The following CHRNB3 variants were observed in gnomAD, a reference collection of about 807,000 sequenced individuals.
CHRNB3 encodes the protein neuronal acetylcholine receptor subunit beta-3.
CHRNB3 carries 37 observed loss-of-function variants against 40.6 expected under a neutral mutation model. That is an observed-to-expected ratio of 0.91 (90% CI 0.70 to 1.20). The LOEUF (loss-of-function observed/expected upper bound fraction) is 1.20, where lower values mean the gene tolerates loss of function less well. Among genes scored for constraint, CHRNB3 ranks in the 50% most tolerant of loss-of-function variants. The pLI, the probability that CHRNB3 is intolerant of heterozygous loss-of-function variation, is 0.00. For missense variants in CHRNB3, 505 were observed against 551.2 expected, an observed-to-expected ratio of 0.92 and a Z score of 0.84; for synonymous variants, 207 against 207.1, an observed-to-expected ratio of 1.00 and a Z score of 0.00.
chr8:42,715,971 C>T (rs1026095507), intron 3 of CHRNB3, among the ~76,000 whole-genome samples: 7 of 145,902 alleles, frequency 4.8e-5, no homozygotes, highest in African/African-American at 1.2e-4. Context: ...GAAAATTAAA[C>T]TGACCTTTTT....
chr8:42,706,763 A>T (rs1815928994), intron 1 of CHRNB3, among the ~76,000 whole-genome samples: 1 of 151,886 alleles, frequency 6.6e-6, no homozygotes, highest in Non-Finnish European at 1.5e-5. Flanking sequence ...TTTGTTTATT[A>T]AAAAAAATTT....
At chr8:42,734,989 G>A (rs531232494) in intron 5 of CHRNB3, among the ~76,000 whole-genome samples, 1 of 152,136 alleles carries the variant, frequency 6.6e-6, no homozygotes, top group South Asian at 2.1e-4. Context: ...GGGAGGCCGA[G>A]GCGGGCGGAT....
At chr8:42,706,735 G>A (rs988576133) in intron 1 of CHRNB3, among the ~76,000 whole-genome samples, 1 of 152,132 alleles carries the variant, frequency 6.6e-6, no homozygotes, top group East Asian at 1.9e-4. Context: ...GGTACTAATA[G>A]TAATCAACAG....
chr8:42,699,469 A>G (rs1474833003), intron 1 of CHRNB3: 1 of 152,210 alleles, frequency 6.6e-6, no homozygotes, highest in Non-Finnish European at 1.5e-5. Flanking sequence ...ATTTTCTAAT[A>G]AGCTCTCAGC....
chr8:42,697,710 C>A (rs1160895437), intron 1 of CHRNB3, 112 bp downstream of exon 1: 11 of 804,564 alleles, frequency 1.4e-5, no homozygotes, highest in Non-Finnish European at 2.1e-5. Context: ...GCACAAGATA[C>A]ATTTAGGATA....
At chr8:42,735,167 C>T (rs1258755290) in intron 5 of CHRNB3, among the ~76,000 whole-genome samples, 1 of 151,788 alleles carries the variant, frequency 6.6e-6, no homozygotes, top group African/African-American at 2.4e-5. Flanking sequence ...TTGCAGTGAG[C>T]CAAGATCATG....
intron 3 of CHRNB3, among the ~76,000 whole-genome samples, chr8:42,715,909 C>G (rs1173791510): frequency 1.3e-5 from 2 of 151,842 alleles, no homozygotes; most frequent in African/African-American, 4.8e-5. Context: ...CCCTCAGATC[C>G]TGCTCCATCA....
chr8:42,734,928 C>T (rs560715221), intron 5 of CHRNB3, among the ~76,000 whole-genome samples: 39 of 152,066 alleles, frequency 2.6e-4, no homozygotes, highest in African/African-American at 9.2e-4. Flanking sequence ...CTTTTAAAAA[C>T]ACTAATACAG....
chr8:42,698,459 T>C (rs1815717576), intron 1 of CHRNB3, among the ~76,000 whole-genome samples: 2 of 152,326 alleles, frequency 1.3e-5, no homozygotes, highest in South Asian at 2.1e-4. Context: ...CGTTTGATTA[T>C]TGTAATTTTC....
chr8:42,726,733 A>T (rs1382955273), intron 3 of CHRNB3, among the ~76,000 whole-genome samples: 3 of 151,918 alleles, frequency 2.0e-5, no homozygotes, highest in Admixed American at 2.0e-4. Context: ...CAGGTGATCC[A>T]CCCGCCTTGG....
At chr8:42,698,729 G>C (rs142372090) in intron 1 of CHRNB3, among the ~76,000 whole-genome samples, 2 of 152,318 alleles carry the variant, frequency 1.3e-5, no homozygotes, top group African/African-American at 4.8e-5. Flanking sequence ...AATTCTGTGT[G>C]TTTGAGCTTA....
chr8:42,701,724 AC>A (rs924978498), intron 1 of CHRNB3, among the ~76,000 whole-genome samples: 3 of 152,146 alleles, frequency 2.0e-5, no homozygotes, highest in Admixed American at 2.0e-4. Context: ...TAGCTGTGTT[AC>A]TTTTACCTGA....
At chr8:42,734,851 GACTGCT>G (rs1305356775) in intron 5 of CHRNB3, among the ~76,000 whole-genome samples, 1 of 152,132 alleles carries the variant, frequency 6.6e-6, no homozygotes, top group Non-Finnish European at 1.5e-5. Context: ...CTAGAAAAGT[GACTGCT>G]GCTAGACAAG....
chr8:42,725,688 G>A, intron 3 of CHRNB3: 2 of 942,950 alleles, frequency 2.1e-6, no homozygotes, highest in South Asian at 2.6e-5. Flanking sequence ...AGATCTCCTG[G>A]AAATGCTTCT....
intron 1 of CHRNB3, among the ~76,000 whole-genome samples, chr8:42,704,698 G>GTGTGTGTGTGTGTGTA (rs1375456627): frequency 3.0e-4 from 46 of 152,302 alleles, no homozygotes; most frequent in African/African-American, 1.1e-3. Flanking sequence ...GTGTGTGTGT[G>GTGTGTGTGTGTGTGTA]TGCTTGCATG....
chr8:42,733,066 A>G (rs953012798), intron 5 of CHRNB3, among the ~76,000 whole-genome samples: 1 of 152,034 alleles, frequency 6.6e-6, no homozygotes, highest in Non-Finnish European at 1.5e-5. Flanking sequence ...ACAGTGGCTC[A>G]TACCTGTAAT....
intron 1 of CHRNB3, among the ~76,000 whole-genome samples, chr8:42,700,958 G>A (rs114972035): frequency 0.011 from 1,715 of 152,138 alleles, 38 homozygotes; most frequent in African/African-American, 0.04. Flanking sequence ...CTGGTCGGGT[G>A]TGGGGCTTAC....
At chr8:42,720,741 A>C (rs902628076) in intron 3 of CHRNB3, among the ~76,000 whole-genome samples, 1 of 152,214 alleles carries the variant, frequency 6.6e-6, no homozygotes, top group African/African-American at 2.4e-5. Flanking sequence ...TCAGGTAAGC[A>C]ACACAAATCT....
chr8:42,713,298 G>T (rs1234837092), intron 3 of CHRNB3, among the ~76,000 whole-genome samples: 4 of 152,078 alleles, frequency 2.6e-5, no homozygotes, highest in Non-Finnish European at 5.9e-5. Context: ...GGGCGCCGAG[G>T]ACCCTGAGGG....
Sources: allele counts gnomAD v4.1 joint callset (sites outside exome capture counted in the v4.1 genomes callset), GRCh38; gene constraint gnomAD v4.1.1; transcripts MANE v1.5; gene names NCBI Gene and HGNC (gene_info 2026-07-23, HGNC 2026-07-21).